Variants in TNR observed in about 807,000 individuals in gnomAD.
TNR encodes the protein tenascin-R.
TNR carries 45 observed loss-of-function variants against 150.4 expected under a neutral mutation model. The ratio of observed to expected loss-of-function variants is 0.30; its 90% confidence interval spans 0.24 to 0.38. TNR has a LOEUF of 0.38. Ranked by LOEUF, TNR falls within the 10% of genes least tolerant of loss-of-function variation. The pLI, the probability that TNR is intolerant of heterozygous loss-of-function variation, is 1.00. For synonymous variants in TNR, 687 were observed against 678.4 expected, an observed-to-expected ratio of 1.01 and a Z score of -0.20; for missense variants, 1,544 against 1,759.1, an observed-to-expected ratio of 0.88 and a Z score of 2.19.
At chr1:175,426,420 T>C (rs1360891103) in intron 2 of TNR, among the ~76,000 whole-genome samples, 2 of 152,146 alleles carry the variant, frequency 1.3e-5, no homozygotes, top group East Asian at 1.9e-4. Context: ...TGCACTCTTA[T>C]GACTCACAGG....
At chr1:175,611,444 T>C (rs1663595057) in intron 1 of TNR, among the ~76,000 whole-genome samples, 1 of 152,156 alleles carries the variant, frequency 6.6e-6, no homozygotes, top group African/African-American at 2.4e-5. Flanking sequence ...TCAACCCTCC[T>C]GTCTCAGCCT....
chr1:175,562,020 C>G (rs1201414187), intron 1 of TNR, among the ~76,000 whole-genome samples: 1 of 152,162 alleles, frequency 6.6e-6, no homozygotes, highest in Non-Finnish European at 1.5e-5. Context: ...AATTACATGA[C>G]TTCCTGCCAT....
At chr1:175,460,690 G>C (rs546826217) in intron 2 of TNR, among the ~76,000 whole-genome samples, 7 of 152,320 alleles carry the variant, frequency 4.6e-5, no homozygotes, top group Non-Finnish European at 8.8e-5. Flanking sequence ...CTTCTGAAAA[G>C]TTTAGTAACT....
chr1:175,395,223 C>G (rs1653368124), intron 5 of TNR, among the ~76,000 whole-genome samples: 1 of 152,186 alleles, frequency 6.6e-6, no homozygotes, highest in South Asian at 2.1e-4. Context: ...CTGTCTCTAT[C>G]CTTGCATCCT....
chr1:175,516,154 T>C (rs966950795), intron 2 of TNR, among the ~76,000 whole-genome samples: 1 of 152,230 alleles, frequency 6.6e-6, no homozygotes, highest in African/African-American at 2.4e-5. Flanking sequence ...ATTAATTCAG[T>C]AGTGGCTTTC....
chr1:175,346,270 G>T (rs1571320311), intron 18 of TNR, among the ~76,000 whole-genome samples: 1 of 152,222 alleles, frequency 6.6e-6, no homozygotes, highest in Middle Eastern at 3.4e-3. Context: ...TAAATAAAAG[G>T]CTATAATTAA....
intron 2 of TNR, among the ~76,000 whole-genome samples, chr1:175,477,119 G>A (rs190407232): frequency 6.6e-6 from 1 of 152,064 alleles, no homozygotes; most frequent in African/African-American, 2.4e-5. Flanking sequence ...AACAACCATG[G>A]ATCATTTTTA....
chr1:175,402,906 A>G (rs1342465905), intron 4 of TNR, among the ~76,000 whole-genome samples: 1 of 152,168 alleles, frequency 6.6e-6, no homozygotes, highest in African/African-American at 2.4e-5. Flanking sequence ...GTAACAATCC[A>G]GCTCTCAGCC....
At chr1:175,450,318 C>T (rs565677052) in intron 2 of TNR, among the ~76,000 whole-genome samples, 1 of 152,184 alleles carries the variant, frequency 6.6e-6, no homozygotes, top group Non-Finnish European at 1.5e-5. Context: ...AGAACCTCAC[C>T]CCTCACCTCA....
chr1:175,387,350 A>AT (rs1652984421), intron 7 of TNR, among the ~76,000 whole-genome samples: 1 of 152,104 alleles, frequency 6.6e-6, no homozygotes, highest in Non-Finnish European at 1.5e-5. Context: ...TTCTTTAAGG[A>AT]TTTGGAACTA....
chr1:175,656,274 G>A (rs1453210457), intron 1 of TNR, among the ~76,000 whole-genome samples: 4 of 151,916 alleles, frequency 2.6e-5, no homozygotes, highest in Admixed American at 2.6e-4. Flanking sequence ...ACCCTGAGGT[G>A]TTACACAAAC....
rs766597152 is a variant in TNR at position 175,323,351 on chromosome 1, C to T, written c.*6G>A. ...AAATATTGGTTGGCTTGCAGCCGCC[C>T]ACTGCTCAGAACTGTAAGGACTGCC... On this transcript the variant is annotated 3_prime_UTR_variant, in exon 23 of 23. Transcript: ENST00000367674. 5 of 1,611,784 alleles carry T rather than the reference C, an allele frequency of 3.1e-6. No individual in the cohort carries two copies. The highest frequency in any genetic ancestry group is 4.2e-6 in the Non-Finnish European group (5 of 1,179,220).
chr1:175,710,599 C>A (rs1452402954), intron 1 of TNR, among the ~76,000 whole-genome samples: 1 of 152,106 alleles, frequency 6.6e-6, no homozygotes, highest in Non-Finnish European at 1.5e-5. Flanking sequence ...CCTCTTAAGT[C>A]CCACCAGTTA....
In TNR at chr1:175,388,262, G is replaced by GA. The variant is rs911593706; in HGVS notation, c.1508-1962dup. ...CATTTCAATAAACTGGAGCTTTTTG[G>GA]AAAAAAAAAAAAGTGTCAGGGAAAT... On this transcript the variant is annotated intron_variant, in intron 7 of 22. Transcript: ENST00000367674. Among the ~76,000 whole-genome samples, 219 of 141,972 alleles carry GA rather than the reference G, an allele frequency of 1.5e-3. 1 individual carries two copies. The highest frequency in any genetic ancestry group is 0.011 in the South Asian group (49 of 4,490). 93.1% of individuals were successfully genotyped at this position (141,972 alleles called of 152,430 possible). A position where few individuals can be genotyped will look rare whatever the true frequency, so the allele number is the denominator to read the frequency against.
chr1:175,364,790 G>A (rs777614686), intron 12 of TNR, among the ~76,000 whole-genome samples: 1 of 152,208 alleles, frequency 6.6e-6, no homozygotes, highest in Non-Finnish European at 1.5e-5. Context: ...ACCTCCTCAA[G>A]ACATTGACTT....
chr1:175,566,324 A>G (rs377662666), intron 1 of TNR, among the ~76,000 whole-genome samples: 3 of 152,366 alleles, frequency 2.0e-5, no homozygotes, highest in Non-Finnish European at 1.5e-5. Context: ...ATGAAATCCA[A>G]ATGAATCCAT....
intron 1 of TNR, among the ~76,000 whole-genome samples, chr1:175,555,767 G>A (rs571355305): frequency 1.5e-4 from 23 of 152,272 alleles, no homozygotes; most frequent in African/African-American, 3.6e-4. Flanking sequence ...AACAAGAAGC[G>A]TAAAACCATG....
chr1:175,319,935 TC>T lies in TNR; in HGVS notation c.*3421del, dbSNP rs1648953719. On this transcript the variant is annotated 3_prime_UTR_variant, in exon 23 of 23. Transcript: ENST00000367674. ...TCTTCTACACCTGACCCCTTCACCT[TC>T]CAGAAATAACCCTGGTGAATGTGCA... 1.3e-5 allele frequency: 2 copies of T among 152,228 alleles called. No individual in the cohort carries two copies. Among genetic ancestry groups the T allele is most frequent in the African/African-American group, 4.8e-5 (2 of 41,456 alleles). 9.4% of individuals were successfully genotyped at this position (152,228 alleles called of 1,614,324 possible).
chr1:175,540,054 C>A (rs1424055186), intron 1 of TNR, among the ~76,000 whole-genome samples: 11 of 152,094 alleles, frequency 7.2e-5, no homozygotes, highest in Non-Finnish European at 1.5e-4. Context: ...GCAAAAGAGG[C>A]ACTGACTAAC....
Sources: gnomAD v4.1 joint callset for allele counts (sites outside exome capture counted in the v4.1 genomes callset) on GRCh38, gnomAD v4.1.1 for gene constraint, MANE v1.5 for transcripts, NCBI Gene and HGNC (gene_info 2026-07-23, HGNC 2026-07-21) for gene names.